ZEB2: variants seen among roughly 807,000 people sequenced by gnomAD.
The protein encoded by ZEB2 is zinc finger E-box-binding homeobox 2.
In ZEB2, 6 loss-of-function variants were observed where a neutral mutation model predicts 99.9. The ratio of observed to expected loss-of-function variants is 0.06; its 90% CI spans 0.03 to 0.12. The LOEUF (loss-of-function observed/expected upper bound fraction) is 0.12, where lower values mean the gene tolerates loss of function less well. ZEB2 is among the 10% of genes least tolerant of loss of function. The pLI is 1.00. For missense variants in ZEB2, 969 were observed against 1,502.8 expected, an observed-to-expected ratio of 0.64 and a Z score of 5.87; for synonymous variants, 517 against 542.5, an observed-to-expected ratio of 0.95 and a Z score of 0.65.
At chr2:144,515,393 GA>G (rs1158557022) in intron 2 of ZEB2, among the ~76,000 whole-genome samples, 1 of 152,102 alleles carries the variant, frequency 6.6e-6, no homozygotes, top group Non-Finnish European at 1.5e-5. Context: ...CAAGAGAGGA[GA>G]GGGGGACATT....
chr2:144,390,415 T>C, intron 9 of ZEB2: 1 of 325,796 alleles, frequency 3.1e-6, no homozygotes, highest in South Asian at 2.6e-5. Flanking sequence ...AACAAAGACT[T>C]GTACAAAAGT....
At position 144,517,424 on chromosome 2, in the gene ZEB2, C is replaced by T; in HGVS notation, c.-69-5G>A. ...TCGGCAGCACGCAGGCTCGATCTAGCAACCAAACACAGCGACAATGTGGGC... is the reference window on the plus strand; with the variant it reads ...TCGGCAGCACGCAGGCTCGATCTAGTAACCAAACACAGCGACAATGTGGGC... On this transcript the variant is annotated splice_polypyrimidine_tract_variant and splice_region_variant and intron_variant, in intron 1 of 9. Transcript: ENST00000627532. The T allele has an allele frequency of 1.9e-6, 3 of 1,561,270 alleles. No homozygotes were observed. Among genetic ancestry groups the T allele is most frequent in the Non-Finnish European group, 2.6e-6 (3 of 1,135,104 alleles).
At chr2:144,396,204 T>G (rs925584441) in intron 9 of ZEB2, among the ~76,000 whole-genome samples, 4 of 152,212 alleles carry the variant, frequency 2.6e-5, no homozygotes, top group African/African-American at 9.6e-5. Flanking sequence ...ACTGGAAAGA[T>G]ATTAAGACAA....
rs1027368780 is a variant in ZEB2, at chr2:144,517,188, G to C, written c.73+90C>G. The C allele has an allele frequency of 2.9e-5, 45 of 1,564,440 alleles. No homozygotes were observed. The African/African-American group carries it at 6.0e-4, about 21-fold the overall frequency. On this transcript the variant is annotated intron_variant, in intron 2 of 9. Coordinates refer to ENST00000627532, the MANE Select transcript of ZEB2 (RefSeq NM_014795.4). ...AGCCCTGGGCGCCGCCGCCGCCGCC[G>C]CCTCGGTTCCTTTTCCCTTTCCCCC...
At chr2:144,503,935 G>T (rs1704911064) in intron 2 of ZEB2, 1 of 151,896 alleles carries the variant, frequency 6.6e-6, no homozygotes, top group Non-Finnish European at 1.5e-5. Context: ...CTGGCTTTTT[G>T]TTAGCCAAAA....
intron 2 of ZEB2, among the ~76,000 whole-genome samples, chr2:144,469,859 C>A (rs562879347): frequency 6.6e-6 from 1 of 152,298 alleles, no homozygotes; most frequent in Admixed American, 6.5e-5. Context: ...GAGCCAAGTG[C>A]ATCTGCTCAT....
chr2:144,449,493 C>A (rs548940732), intron 2 of ZEB2: 1 of 152,238 alleles, frequency 6.6e-6, no homozygotes, highest in South Asian at 2.1e-4. Flanking sequence ...ACACCTATAA[C>A]AAGTACAGCT....
intron 2 of ZEB2, among the ~76,000 whole-genome samples, chr2:144,473,998 G>T (rs1704396229): frequency 6.6e-6 from 1 of 152,170 alleles, no homozygotes; most frequent in Non-Finnish European, 1.5e-5. Context: ...AGTTTATAGA[G>T]AATTTAAAGA....
chr2:144,440,516 T>TATACATA (rs1491431111), intron 2 of ZEB2, among the ~76,000 whole-genome samples: 49 of 10,042 alleles, frequency 4.9e-3, no homozygotes, highest in African/African-American at 9.6e-3. Context: ...TATATATATA[T>TATACATA]TTTTTTTTTT....
intron 2 of ZEB2, chr2:144,512,561 C>G: frequency 3.1e-6 from 4 of 1,287,244 alleles, no homozygotes; most frequent in Non-Finnish European, 4.0e-6. Flanking sequence ...TGGTTTTACC[C>G]TATTTGAAAA....
intron 2 of ZEB2, among the ~76,000 whole-genome samples, chr2:144,464,709 C>T (rs1704247362): frequency 6.6e-6 from 1 of 152,100 alleles, no homozygotes; most frequent in African/African-American, 2.4e-5. Context: ...ACACAGTACA[C>T]AAGTAGGAAT....
At chr2:144,503,673 T>C (rs1704906742) in intron 2 of ZEB2, 1 of 152,164 alleles carries the variant, frequency 6.6e-6, no homozygotes, top group African/African-American at 2.4e-5. Context: ...GGAAACACTT[T>C]TCATATTTGT....
chr2:144,450,422 T>G (rs1704040395), intron 2 of ZEB2: 1 of 152,232 alleles, frequency 6.6e-6, no homozygotes, highest in Non-Finnish European at 1.5e-5. Context: ...CTTTTTAAAC[T>G]TACATAAAAA....
At position 144,475,206 on chromosome 2, in the gene ZEB2, G is replaced by A. The variant is rs571729908; in HGVS notation, c.73+42072C>T. On this transcript the variant is annotated intron_variant, in intron 2 of 9. Transcript: ENST00000627532. The stretch of plus-strand genomic sequence containing the variant: ...CCCAGCATGAAGTTTTAGTTTATGC[G>A]TTCTCACATAGGCCTGAAACTGTTA... Among the ~76,000 whole-genome samples, 6 of 152,234 alleles carry A rather than the reference G, an allele frequency of 3.9e-5. No individual in the cohort carries two copies. The South Asian group carries it at 6.2e-4, about 16-fold the overall frequency.
chr2:144,484,518 G>A (rs527442745), intron 2 of ZEB2, among the ~76,000 whole-genome samples: 8 of 152,286 alleles, frequency 5.3e-5, no homozygotes, highest in African/African-American at 1.4e-4. Context: ...GAAACTAGTG[G>A]AAGACACATG....
chr2:144,511,600 C>T, intron 2 of ZEB2: 1 of 1,283,452 alleles, frequency 7.8e-7, no homozygotes, highest in Non-Finnish European at 1.0e-6. Flanking sequence ...AGTTTACCCT[C>T]CCCACAGCCC....
rs1248940289 is a variant in ZEB2 at position 144,399,013 on chromosome 2, T to C, written c.2174A>G (p.Asp725Gly). 1 of 1,613,686 alleles carries C rather than the reference T, an allele frequency of 6.2e-7. No individual in the cohort carries two copies. Among genetic ancestry groups the C allele is most frequent in the Admixed American group, 1.7e-5 (1 of 59,956 alleles). ...LAPNSNPPTK[D>G]SLLPRSPVKP... ...TACAGGAGACCTGGGTAATAAAGAG[T>C]CTTTTGTGGGAGGGTTACTGTTGGG... Residue 725 changes from aspartate (D) to glycine (G), a missense_variant, in exon 8 of 10, where the codon GAC becomes GGC. By Grantham distance (94) the Asp-to-Gly change is moderately conservative. This residue lies in a region of ZEB2 where 346 missense variants were observed against 460.0 expected (regional missense o/e 0.75). Coordinates refer to ENST00000627532, the MANE Select transcript of ZEB2 (RefSeq NM_014795.4). This position sits in a 1 kb window ranked among gnomAD's most constrained non-coding sequence, Gnocchi z 5.6.
At chr2:144,405,075 A>T (rs1333132819) in intron 4 of ZEB2, 51 bp from the exon 5 acceptor site, 2 of 1,576,190 alleles carry the variant, frequency 1.3e-6, no homozygotes, top group Non-Finnish European at 1.7e-6. Context: ...TCTTCCTAGG[A>T]TCCCAAGTCC....
intron 9 of ZEB2, among the ~76,000 whole-genome samples, chr2:144,393,640 C>T (rs1055614219): frequency 7.2e-5 from 11 of 152,280 alleles, no homozygotes; most frequent in Middle Eastern, 3.4e-3. Flanking sequence ...TTTCCACATA[C>T]ATCACATCAA....
Sources: gnomAD v4.1 joint callset for allele counts (sites outside exome capture counted in the v4.1 genomes callset) on GRCh38, gnomAD v4.1.1 for gene constraint, gnomAD v4.1.1 regional missense constraint, Gnocchi (gnomAD v3.1) non-coding constraint, MANE v1.5 for transcripts, NCBI Gene and HGNC (gene_info 2026-07-23, HGNC 2026-07-21) for gene names.